ANKFN1: variants seen among roughly 807,000 people sequenced by gnomAD.
The protein encoded by ANKFN1 is ankyrin repeat and fibronectin type III domain containing 1.
A neutral mutation model predicts 108.7 loss-of-function variants in ANKFN1; 74 were observed. The ratio of observed to expected loss-of-function variants is 0.68; its 90% CI spans 0.56 to 0.83. The LOEUF (loss-of-function observed/expected upper bound fraction) is 0.83. Among genes scored for constraint, ANKFN1 ranks in the 40% least tolerant of loss-of-function variants. The probability of loss-of-function intolerance (pLI) is 0.00; values close to 1 mark genes in which losing one functional copy is unlikely to be tolerated. For missense variants in ANKFN1, 1,505 were observed against 1,382.3 expected (o/e 1.09, Z -1.41); for synonymous variants, 547 against 516.2 (o/e 1.06, Z -0.81).
intron 4 of ANKFN1, among the ~76,000 whole-genome samples, chr17:56,337,261 T>A (rs1370834827): frequency 6.6e-6 from 1 of 152,144 alleles, no homozygotes; most frequent in Non-Finnish European, 1.5e-5. Context: ...TGAGTTCAAG[T>A]CCTGGATATC....
intron 4 of ANKFN1, among the ~76,000 whole-genome samples, chr17:56,117,550 A>G (rs1376366489): frequency 2.6e-5 from 4 of 152,176 alleles, no homozygotes; most frequent in African/African-American, 9.6e-5. Context: ...TTGTCTCAAG[A>G]AGGCTTCAAA....
At chr17:56,300,304 G>A (rs1008102020) in intron 3 of ANKFN1, among the ~76,000 whole-genome samples, 8 of 152,172 alleles carry the variant, frequency 5.3e-5, no homozygotes, top group Admixed American at 4.6e-4. Context: ...CTCGATGAGG[G>A]CACAGGGCAA....
At chr17:56,382,576 T>G (rs1361733207) in intron 8 of ANKFN1, among the ~76,000 whole-genome samples, 4 of 152,210 alleles carry the variant, frequency 2.6e-5, no homozygotes, top group East Asian at 1.9e-4. Context: ...GCTGTATTCA[T>G]AAAACCCATC....
intron 6 of ANKFN1, chr17:56,368,273 G>C: frequency 2.8e-5 from 1 of 35,430 alleles, no homozygotes; most frequent in Non-Finnish European, 1.0e-4. Flanking sequence ...AACTGAAAAT[G>C]AACTTTTTTT....
Position 56,513,899 on chromosome 17 carries a change from C to T in ANKFN1, c.*2630C>T, listed in dbSNP as rs769750370. On this transcript the variant is annotated 3_prime_UTR_variant, in exon 21 of 21. Transcript: ENST00000682825. ...AATTAGCTATTATTCAGGTAGGTTT[C>T]CCCATACCTTCACTTTGCAATATTT... is the stretch of plus-strand genomic sequence containing the variant. 6.6e-6 allele frequency among the ~76,000 whole-genome samples: 1 copy of T among 152,132 alleles called. No homozygotes were observed. The highest frequency in any genetic ancestry group is 2.1e-4 in the South Asian group (1 of 4,820).
intron 3 of ANKFN1, among the ~76,000 whole-genome samples, chr17:56,298,157 A>G (rs557383706): frequency 6.6e-6 from 1 of 152,304 alleles, no homozygotes; most frequent in South Asian, 2.1e-4. Flanking sequence ...AAGTGAATTG[A>G]TGTGTGTTAA....
rs147296141 is a variant in ANKFN1, at chr17:56,361,920, C to T, written c.601+7874C>T. Reference sequence around the variant, plus strand: ...AAAGAGAGACCAGCCAAGGTGGAAGCAACAGTGACATGTATAACCTAATCT... The same window carrying T: ...AAAGAGAGACCAGCCAAGGTGGAAGTAACAGTGACATGTATAACCTAATCT... On this transcript the variant is annotated intron_variant, in intron 6 of 20. Transcript: ENST00000682825. Among the ~76,000 whole-genome samples, 124 of 152,162 alleles carry T rather than the reference C, an allele frequency of 8.1e-4. 5 individuals are homozygous for T. The East Asian group carries it at 0.022, about 27-fold the overall frequency.
chr17:56,412,154 C>T (rs1013617892), intron 8 of ANKFN1, among the ~76,000 whole-genome samples: 2 of 152,128 alleles, frequency 1.3e-5, no homozygotes, highest in Non-Finnish European at 2.9e-5. Flanking sequence ...AATTCAATTT[C>T]CATACTCATT....
Position 56,466,699 on chromosome 17 carries a change from T to A in ANKFN1, c.1773+128T>A, listed in dbSNP as rs1042984371. The A allele has an allele frequency of 9.3e-6, 7 of 755,628 alleles. No homozygotes were observed. The African/African-American group carries it at 1.2e-4, about 13-fold the overall frequency. 46.8% of individuals were successfully genotyped at this position (755,628 alleles called of 1,614,324 possible). ...GGAGTGGAGAGGGTCCAGAGATATG[T>A]TGTTGCAAATGCAGAAGCTTATTTT... On this transcript the variant is annotated intron_variant, in intron 15 of 20. Transcript: ENST00000682825.
intron 10 of ANKFN1, among the ~76,000 whole-genome samples, chr17:56,447,552 G>T (rs955141678): frequency 6.6e-6 from 1 of 152,202 alleles, no homozygotes; most frequent in African/African-American, 2.4e-5. Flanking sequence ...GGTTATATCA[G>T]CCCTGGTATC....
At chr17:56,359,059 T>C (rs2046446319) in intron 6 of ANKFN1, among the ~76,000 whole-genome samples, 1 of 152,190 alleles carries the variant, frequency 6.6e-6, no homozygotes, top group Non-Finnish European at 1.5e-5. Context: ...ACAAATCTGG[T>C]CACTCACAGA....
chr17:56,356,322 TTA>T (rs1331224848), intron 6 of ANKFN1, among the ~76,000 whole-genome samples: 1 of 152,198 alleles, frequency 6.6e-6, no homozygotes, highest in African/African-American at 2.4e-5. Flanking sequence ...GCCACTGTTT[TTA>T]TGTTTCCTAA....
At chr17:56,066,095 G>A (rs1905055082) in intron 4 of ANKFN1, among the ~76,000 whole-genome samples, 1 of 152,218 alleles carries the variant, frequency 6.6e-6, no homozygotes, top group African/African-American at 2.4e-5. Flanking sequence ...GACATTGGAG[G>A]TGGCTCAGTG....
intron 3 of ANKFN1, among the ~76,000 whole-genome samples, chr17:56,270,344 G>C (rs1365807541): frequency 6.6e-6 from 1 of 152,220 alleles, no homozygotes; most frequent in Non-Finnish European, 1.5e-5. Context: ...AAACAGACAA[G>C]GCTGCAGACT....
intron 4 of ANKFN1, among the ~76,000 whole-genome samples, chr17:56,096,622 G>A (rs1377622225): frequency 6.6e-6 from 1 of 152,188 alleles, no homozygotes; most frequent in Non-Finnish European, 1.5e-5. Flanking sequence ...ATGCTGGCGA[G>A]GTTGCAGAGA....
chr17:56,195,960 A>G (rs773541974), intron 1 of ANKFN1, among the ~76,000 whole-genome samples: 1 of 152,240 alleles, frequency 6.6e-6, no homozygotes, highest in Non-Finnish European at 1.5e-5. Context: ...AAAAAGGGAT[A>G]CTTAAGAGAA....
upstream of ANKFN1, among the ~76,000 whole-genome samples, chr17:56,151,951 G>T (rs1327666987): frequency 6.6e-6 from 1 of 151,574 alleles, no homozygotes; most frequent in Non-Finnish European, 1.5e-5. Context: ...TATGTATCAT[G>T]CACTTCCTAT....
At chr17:56,336,211 AG>A (rs1176719166) in intron 4 of ANKFN1, among the ~76,000 whole-genome samples, 6 of 152,210 alleles carry the variant, frequency 3.9e-5, no homozygotes, top group Non-Finnish European at 8.8e-5. Flanking sequence ...CTTTGGTATC[AG>A]GATGATGCTG....
At chr17:56,149,997 G>T (rs1908500612), upstream of ANKFN1, among the ~76,000 whole-genome samples, 1 of 152,156 alleles carries the variant, frequency 6.6e-6, no homozygotes, top group Non-Finnish European at 1.5e-5. Context: ...TTTTCTATCA[G>T]TTCACTGGAT....
Sources: allele counts gnomAD v4.1 joint callset (sites outside exome capture counted in the v4.1 genomes callset), GRCh38; gene constraint gnomAD v4.1.1; transcripts MANE v1.5; gene names NCBI Gene and HGNC (gene_info 2026-07-23, HGNC 2026-07-21).